Variants in MTA3 observed in about 807,000 individuals in gnomAD.
MTA3 encodes metastasis associated 1 family member 3.
MTA3 carries 34 observed loss-of-function variants against 83.5 expected under a neutral mutation model. That is an observed-to-expected ratio of 0.41 (90% CI 0.31 to 0.54). The LOEUF (loss-of-function observed/expected upper bound fraction) is 0.54, where lower values mean the gene tolerates loss of function less well. Ranked by LOEUF, MTA3 falls within the 20% of genes least tolerant of loss-of-function variation. The probability of loss-of-function intolerance (pLI) is 0.33; values close to 1 mark genes in which losing one functional copy is unlikely to be tolerated. For missense variants in MTA3, 761 were observed against 726.4 expected (o/e 1.05, Z -0.55); for synonymous variants, 303 against 252.7 (o/e 1.20, Z -1.89).
intron 2 of MTA3, among the ~76,000 whole-genome samples, chr2:42,526,319 C>T (rs978810567): frequency 6.6e-6 from 1 of 152,184 alleles, no homozygotes; most frequent in Admixed American, 6.6e-5. Context: ...CCCATCTCAG[C>T]CTCCTGGGTA....
intron 16 of MTA3, among the ~76,000 whole-genome samples, chr2:42,724,872 A>G (rs1415642859): frequency 6.6e-6 from 1 of 152,216 alleles, no homozygotes; most frequent in Non-Finnish European, 1.5e-5. Flanking sequence ...CTCTGAATGA[A>G]TGCTGCCACA....
intron 14 of MTA3, chr2:42,709,358 T>C (rs1666405454): frequency 2.4e-6 from 3 of 1,233,426 alleles, no homozygotes; most frequent in African/African-American, 3.1e-5. Flanking sequence ...TGGGAGGTGA[T>C]CCTATTCCAT....
In MTA3 at chr2:42,626,616, GCTGA is replaced by G. The variant is rs374281209; in HGVS notation, c.318-13554_318-13551del. 7.8e-3 allele frequency among the ~76,000 whole-genome samples: 1,182 copies of G among 152,052 alleles called. 10 individuals are homozygous for G. Among genetic ancestry groups the G allele is most frequent in the Non-Finnish European group, 0.012 (783 of 67,976 alleles). On this transcript the variant is annotated intron_variant, in intron 4 of 16. Transcript: ENST00000405094. ...TGGCCTAGGAGCTTCAGTTTTATGG[GCTGA>G]CTTTGTCTTCAGGCAGTTGTGAAGT...
chr2:42,741,037 C>T (rs1379108162), intron 16 of MTA3, among the ~76,000 whole-genome samples: 1 of 152,276 alleles, frequency 6.6e-6, no homozygotes, highest in Non-Finnish European at 1.5e-5. Context: ...CTGCCTTCAT[C>T]AGTGATCTTA....
chr2:42,504,727 G>T (rs1438270610), intron 2 of MTA3, among the ~76,000 whole-genome samples: 1 of 150,802 alleles, frequency 6.6e-6, no homozygotes, highest in East Asian at 2.0e-4. Flanking sequence ...GAACTCCCGG[G>T]TTCAAGCAGT....
intron 2 of MTA3, among the ~76,000 whole-genome samples, chr2:42,495,638 GA>G (rs1262581499): frequency 1.3e-5 from 2 of 152,156 alleles, no homozygotes; most frequent in Non-Finnish European, 2.9e-5. Flanking sequence ...TAAAGTCTGT[GA>G]AGAAGTATAA....
intron 2 of MTA3, among the ~76,000 whole-genome samples, chr2:42,527,121 C>G (rs1307349263): frequency 6.6e-6 from 1 of 150,858 alleles, no homozygotes; most frequent in African/African-American, 2.4e-5. Flanking sequence ...AAATGTACTC[C>G]GAGTTTCCAG....
intron 2 of MTA3, among the ~76,000 whole-genome samples, chr2:42,506,618 ATTATTATTAT>A (rs1473481354): frequency 9.8e-6 from 1 of 102,448 alleles, no homozygotes; most frequent in African/African-American, 4.4e-5. Context: ...TAATTTACTT[ATTATTATTAT>A]TTATTTATTT....
chr2:42,741,168 A>G (rs1328121221), intron 16 of MTA3, among the ~76,000 whole-genome samples: 2 of 152,216 alleles, frequency 1.3e-5, no homozygotes, highest in Non-Finnish European at 2.9e-5. Flanking sequence ...ACTAGCTTCA[A>G]ACTTTTCTTC....
chr2:42,639,624 C>T (rs1443990190), intron 4 of MTA3, among the ~76,000 whole-genome samples: 1 of 152,000 alleles, frequency 6.6e-6, no homozygotes, highest in Non-Finnish European at 1.5e-5. Context: ...ATAGAAGGCT[C>T]CTTGTGTTTA....
Position 42,755,732 on chromosome 2 carries a change from G to A in MTA3, c.*2333G>A, listed in dbSNP as rs1670195963. 1.7e-5 allele frequency: 17 copies of A among 985,632 alleles called. No homozygotes were observed. The highest frequency in any genetic ancestry group is 2.0e-5 in the Non-Finnish European group (17 of 830,092). The allele number at this position is 985,632 out of a possible 1,614,324, so 61.1% of individuals were successfully genotyped here. On this transcript the variant is annotated 3_prime_UTR_variant, in exon 17 of 17. Coordinates refer to ENST00000405094, the MANE Select transcript of MTA3 (RefSeq NM_001330442.2). ...TCCCAGCCACCCGCTCCCTTTCTGG[G>A]GCCATGGTGTCCCTGCTGTGTGTCA...
intron 11 of MTA3, among the ~76,000 whole-genome samples, chr2:42,701,412 C>T (rs1206646410): frequency 3.3e-5 from 4 of 120,266 alleles, no homozygotes; most frequent in Non-Finnish European, 4.9e-5. Context: ...CATAGAGTCC[C>T]TGTATCTATC....
intron 9 of MTA3, among the ~76,000 whole-genome samples, chr2:42,687,187 G>A (rs59111286): frequency 5.3e-5 from 8 of 152,160 alleles, no homozygotes; most frequent in African/African-American, 1.9e-4. Context: ...CACCTCTCCC[G>A]TCAAGTCTCC....
At chr2:42,698,045 T>C (rs1693544614) in intron 11 of MTA3, among the ~76,000 whole-genome samples, 1 of 152,184 alleles carries the variant, frequency 6.6e-6, no homozygotes, top group Non-Finnish European at 1.5e-5. Context: ...GGAAGAAATG[T>C]ACTATGTACT....
intron 3 of MTA3, among the ~76,000 whole-genome samples, chr2:42,581,327 C>G (rs534557383): frequency 1.4e-5 from 2 of 145,486 alleles, no homozygotes; most frequent in South Asian, 4.4e-4. Context: ...GTTCGGATTA[C>G]AGGTGTGAGT....
intron 4 of MTA3, among the ~76,000 whole-genome samples, chr2:42,616,572 C>CTTCTGTTT (rs371119345): frequency 3.6e-5 from 2 of 56,214 alleles, no homozygotes; most frequent in African/African-American, 1.5e-4. Context: ...TCTTCTTCTT[C>CTTCTGTTT]TTTTTTTTTT....
At chr2:42,752,744 C>A (rs74427850) in intron 16 of MTA3, among the ~76,000 whole-genome samples, 2 of 152,066 alleles carry the variant, frequency 1.3e-5, no homozygotes, top group African/African-American at 4.8e-5. Context: ...CCTTAGTATC[C>A]GTCAGAAAAG....
Position 42,739,412 on chromosome 2 carries a change from G to A in MTA3, c.1760-13962G>A, listed in dbSNP as rs866740644. 7.4e-5 allele frequency among the ~76,000 whole-genome samples: 11 copies of A among 148,966 alleles called. No individual in the cohort carries two copies. The Middle Eastern group carries it at 0.021, about 282-fold the overall frequency. On this transcript the variant is annotated intron_variant, in intron 16 of 16. Coordinates refer to ENST00000405094, the MANE Select transcript of MTA3 (RefSeq NM_001330442.2). ...ATAGCATTATGTATAAAATAACAAT[G>A]TATATACCTTAATTTTAAAAATACT...
intron 6 of MTA3, among the ~76,000 whole-genome samples, chr2:42,655,066 G>C (rs560877538): frequency 3.3e-5 from 5 of 152,230 alleles, no homozygotes; most frequent in African/African-American, 1.2e-4. Context: ...CTCATTACTT[G>C]TGAAGGAACT....
Sources: allele counts gnomAD v4.1 joint callset (sites outside exome capture counted in the v4.1 genomes callset), GRCh38; gene constraint gnomAD v4.1.1; transcripts MANE v1.5; gene names NCBI Gene and HGNC (gene_info 2026-07-23, HGNC 2026-07-21).